Variants in MAST2 observed in about 807,000 individuals in gnomAD.
MAST2 encodes microtubule associated serine/threonine kinase 2, also known as microtubule-associated serine/threonine-protein kinase 2.
In MAST2, 70 loss-of-function variants were observed where a neutral mutation model predicts 147.4. That is an observed-to-expected ratio of 0.47 (90% CI 0.39 to 0.58). MAST2 has a LOEUF of 0.58. Among genes scored for constraint, MAST2 ranks in the 20% least tolerant of loss-of-function variants. The pLI is 0.00. For missense variants in MAST2, 2,080 were observed against 2,302.3 expected (o/e 0.90, Z 1.98); for synonymous variants, 869 against 896.8 (o/e 0.97, Z 0.55).
chr1:46,023,716 G>T lies in MAST2; in HGVS notation c.1572-56G>T, dbSNP rs1321837546. The T allele has an allele frequency of 6.5e-7, 1 of 1,539,620 alleles. No individual in the cohort carries two copies. ...GAGAGAAGGCAGTTTGGGTGGCAGA[G>T]AGCACAGCTCAGGTGCTGAGGGTCC... is the stretch of plus-strand genomic sequence containing the variant. On this transcript the variant is annotated intron_variant, in intron 14 of 28. Transcript: ENST00000361297. This position sits in a 1 kb window ranked among gnomAD's most constrained non-coding sequence, Gnocchi z 4.9.
intron 5 of MAST2, among the ~76,000 whole-genome samples, chr1:45,987,759 C>CTT (rs1422164838): frequency 1.7e-4 from 3 of 17,420 alleles, no homozygotes; most frequent in African/African-American, 4.7e-4. Flanking sequence ...GAGAGCATTT[C>CTT]TTGTTTTTTT....
In MAST2 at chr1:45,804,760, T is replaced by C. The variant is rs76912510; in HGVS notation, c.177+688T>C. 2.9e-3 allele frequency among the ~76,000 whole-genome samples: 448 copies of C among 152,358 alleles called. 3 individuals are homozygous for C. Among genetic ancestry groups the C allele is most frequent in the East Asian group, 0.021 (107 of 5,182 alleles). On this transcript the variant is annotated intron_variant, in intron 1 of 28. Coordinates refer to ENST00000361297, the MANE Select transcript of MAST2 (RefSeq NM_015112.3). ...TTTCTGAATGAACAGGATATGTTTA[T>C]GTAATTTATTAGTCAAGAGTAGGTG...
At chr1:45,811,180 T>G (rs2148640451) in intron 1 of MAST2, among the ~76,000 whole-genome samples, 1 of 150,724 alleles carries the variant, frequency 6.6e-6, no homozygotes, top group East Asian at 2.0e-4. Flanking sequence ...TTTTTTTTTT[T>G]TTTGAGACGA....
intron 4 of MAST2, among the ~76,000 whole-genome samples, chr1:45,955,076 C>T (rs1375520666): frequency 7.2e-6 from 1 of 139,492 alleles, no homozygotes; most frequent in African/African-American, 2.6e-5. Context: ...TGCCAGGCAG[C>T]GTTCTAGGTA....
rs79552576 is a variant in MAST2 at position 46,018,382 on chromosome 1, T to G, written c.1189-1214T>G. Among the ~76,000 whole-genome samples the G allele has an allele frequency of 7.4e-3, 1,125 of 152,250 alleles. 17 individuals carry two copies. The highest frequency in any genetic ancestry group is 0.026 in the African/African-American group (1,062 of 41,546). On this transcript the variant is annotated intron_variant, in intron 10 of 28. Coordinates refer to ENST00000361297, the MANE Select transcript of MAST2 (RefSeq NM_015112.3). The stretch of plus-strand genomic sequence containing the variant: ...CCTGCTGGACTCCTCCACTTTGACT[T>G]CCCTATATTGGTTCTTATTCTTTGG...
chr1:45,830,148 C>T (rs1002692708), intron 3 of MAST2, among the ~76,000 whole-genome samples: 2 of 149,176 alleles, frequency 1.3e-5, no homozygotes, highest in Non-Finnish European at 3.0e-5. Flanking sequence ...TGGGCCACCA[C>T]TCCCGGCCTT....
chr1:45,907,756 TCTA>T (rs1160594787), intron 4 of MAST2, among the ~76,000 whole-genome samples: 2 of 152,190 alleles, frequency 1.3e-5, no homozygotes, highest in African/African-American at 4.8e-5. Context: ...CAGTCTCTGT[TCTA>T]CTTTCTTTTT....
intron 3 of MAST2, among the ~76,000 whole-genome samples, chr1:45,867,264 T>G (rs2148124936): frequency 6.6e-6 from 1 of 152,322 alleles, no homozygotes; most frequent in East Asian, 1.9e-4. Flanking sequence ...GTACAGGTAA[T>G]CTACTGGGTA....
At chr1:45,886,261 GTATA>G (rs1215446650) in intron 4 of MAST2, among the ~76,000 whole-genome samples, 1 of 145,202 alleles carries the variant, frequency 6.9e-6, no homozygotes, top group Non-Finnish European at 1.5e-5. Flanking sequence ...ACTTATATAA[GTATA>G]CATATATATT....
intron 5 of MAST2, among the ~76,000 whole-genome samples, chr1:45,975,186 TTAAGGGCTGTAC>T (rs1644086627): frequency 6.6e-6 from 1 of 152,098 alleles, no homozygotes; most frequent in Non-Finnish European, 1.5e-5. Flanking sequence ...TCAGGGTATG[TTAAGGGCTGTAC>T]TAAATGTGTG....
chr1:45,872,513 T>C (rs1570467287), intron 3 of MAST2, among the ~76,000 whole-genome samples: 1 of 151,360 alleles, frequency 6.6e-6, no homozygotes, highest in Middle Eastern at 3.4e-3. Flanking sequence ...GGAGTTTTGC[T>C]CTTGCTTCCC....
In MAST2 at chr1:46,010,927, A is replaced by G; in HGVS notation, c.1176A>G (p.Lys392=). Residue 392 remains lysine, a synonymous_variant, in exon 10 of 29, where the codon AAA becomes AAG. Coordinates refer to ENST00000361297, the MANE Select transcript of MAST2 (RefSeq NM_015112.3). ...YFYELQDNLE[K]LLQDAHERSE... ...ACGAACTTCAAGATAATTTGGAGAA[A>G]CTTTTACAAGATGTGAGTGTCCTTG... is the stretch of plus-strand genomic sequence containing the variant. The G allele has an allele frequency of 6.2e-7, 1 of 1,614,008 alleles. No individual in the cohort carries two copies. The highest frequency in any genetic ancestry group is 8.5e-7 in the Non-Finnish European group (1 of 1,179,856).
At chr1:46,020,850 G>A (rs1646153590) in intron 11 of MAST2, among the ~76,000 whole-genome samples, 1 of 152,174 alleles carries the variant, frequency 6.6e-6, no homozygotes, top group South Asian at 2.1e-4. Context: ...ATTCATACAT[G>A]TTGTTGCATG....
In MAST2 at chr1:45,959,473, C is replaced by T. The variant is rs763208677; in HGVS notation, c.588C>T (p.His196=). The stretch of plus-strand genomic sequence containing the variant: ...GGCCACACTCACCACTCCATGGCCA[C>T]ACAGGTGAGTGCTTGAAGGTTAAGA... ...LPRPHSPLHG[H]TGNSPLDSPR... is the part of the protein sequence containing the mutation. The change falls in exon 5 of 29, where the codon CAC becomes CAT. Residue 196 remains histidine, a synonymous_variant. Coordinates refer to ENST00000361297, the MANE Select transcript of MAST2 (RefSeq NM_015112.3). The T allele has an allele frequency of 3.9e-5, 63 of 1,613,046 alleles. No individual in the cohort carries two copies. The highest frequency in any genetic ancestry group is 5.1e-5 in the Non-Finnish European group (60 of 1,179,368).
chr1:45,861,116 A>G (rs1187435717), intron 3 of MAST2, among the ~76,000 whole-genome samples: 1 of 152,122 alleles, frequency 6.6e-6, no homozygotes, highest in African/African-American at 2.4e-5. Flanking sequence ...CCTCTATTAA[A>G]TCTTTTCTTC....
intron 8 of MAST2, among the ~76,000 whole-genome samples, chr1:46,007,548 A>T (rs912442277): frequency 6.6e-6 from 1 of 152,214 alleles, no homozygotes; most frequent in Admixed American, 6.5e-5. Flanking sequence ...CAGGCAAAAC[A>T]TGGCACATTC....
intron 3 of MAST2, among the ~76,000 whole-genome samples, chr1:45,842,901 A>G (rs1645321117): frequency 6.6e-6 from 1 of 152,168 alleles, no homozygotes; most frequent in South Asian, 2.1e-4. Context: ...TCCACTAGCA[A>G]TGTACTGAAG....
chr1:45,813,670 T>C (rs1300349591), intron 1 of MAST2, among the ~76,000 whole-genome samples: 1 of 152,096 alleles, frequency 6.6e-6, no homozygotes, highest in Non-Finnish European at 1.5e-5. Flanking sequence ...GGCTAATTTT[T>C]ATATTTTTAG....
At chr1:45,926,123 G>A (rs2148674469) in intron 4 of MAST2, among the ~76,000 whole-genome samples, 1 of 152,210 alleles carries the variant, frequency 6.6e-6, no homozygotes, top group Non-Finnish European at 1.5e-5. Context: ...CCCAGAACTT[G>A]TTCTTATCCT....
Sources: allele counts gnomAD v4.1 joint callset (sites outside exome capture counted in the v4.1 genomes callset), GRCh38; gene constraint gnomAD v4.1.1; non-coding constraint Gnocchi (gnomAD v3.1); transcripts MANE v1.5; gene names NCBI Gene and HGNC (gene_info 2026-07-23, HGNC 2026-07-21).